The following CEMIP variants were observed in gnomAD, a reference collection of about 807,000 sequenced individuals.
The protein encoded by CEMIP is cell migration-inducing and hyaluronan-binding protein.
Under a neutral mutation model 156.9 loss-of-function variants are expected in CEMIP, and 105 were observed. That is an observed-to-expected ratio of 0.67 (90% confidence interval 0.57 to 0.79). The LOEUF is 0.79. CEMIP is among the 30% of genes least tolerant of loss of function. The probability of loss-of-function intolerance (pLI) is 0.00; values close to 1 mark genes in which losing one functional copy is unlikely to be tolerated. For missense variants in CEMIP, 1,457 were observed against 1,769.4 expected, an observed-to-expected ratio of 0.82 and a Z score of 3.17; for synonymous variants, 676 against 668.4, an observed-to-expected ratio of 1.01 and a Z score of -0.17.
chr15:80,796,721 C>T (rs916186429), intron 1 of CEMIP, among the ~76,000 whole-genome samples: 1 of 152,192 alleles, frequency 6.6e-6, no homozygotes, highest in African/African-American at 2.4e-5. Flanking sequence ...AACCACTCTA[C>T]ACCAGACATG....
At chr15:80,919,412 C>T (rs1900389445) in intron 14 of CEMIP, among the ~76,000 whole-genome samples, 2 of 152,224 alleles carry the variant, frequency 1.3e-5, no homozygotes, top group Admixed American at 1.3e-4. Flanking sequence ...TGGCCCAGCC[C>T]ATGGCCTCCT....
rs1283450728 is a variant in CEMIP at position 80,780,182 on chromosome 15, C to T, written c.-176+568C>T. ...CGCTAGGCACCCAGCGACGCGCTGG[C>T]GCGGGGCCGAGCTGAGGCAATTGCA... On this transcript the variant is annotated intron_variant, in intron 1 of 29. Transcript: ENST00000394685. Among the ~76,000 whole-genome samples the T allele has an allele frequency of 2.0e-5, 3 of 152,026 alleles. No individual in the cohort carries two copies. The East Asian group carries it at 5.9e-4, about 30-fold the overall frequency.
At chr15:80,787,774 G>C (rs564729581) in intron 1 of CEMIP, among the ~76,000 whole-genome samples, 1 of 152,228 alleles carries the variant, frequency 6.6e-6, no homozygotes, top group Non-Finnish European at 1.5e-5. Flanking sequence ...CCATCCACTT[G>C]TACACAGTGG....
intron 9 of CEMIP, among the ~76,000 whole-genome samples, 180 bp downstream of exon 9, chr15:80,888,976 GCC>G: frequency 6.6e-6 from 1 of 152,220 alleles, no homozygotes; most frequent in East Asian, 1.9e-4. Context: ...TTAGCCCATA[GCC>G]CAGAAGGATG....
intron 1 of CEMIP, among the ~76,000 whole-genome samples, chr15:80,831,975 T>C (rs1207928131): frequency 2.0e-5 from 3 of 152,226 alleles, no homozygotes; most frequent in Non-Finnish European, 4.4e-5. Context: ...GAGACCGAGA[T>C]AGAAAGAACC....
At chr15:80,839,764 G>A (rs963629230) in intron 1 of CEMIP, among the ~76,000 whole-genome samples, 13 of 152,158 alleles carry the variant, frequency 8.5e-5, no homozygotes, top group Non-Finnish European at 1.8e-4. Flanking sequence ...TGGATGTGTG[G>A]GGCAATTCAC....
At chr15:80,927,260 T>C (rs1900731654) in intron 19 of CEMIP, among the ~76,000 whole-genome samples, 1 of 152,190 alleles carries the variant, frequency 6.6e-6, no homozygotes, top group South Asian at 2.1e-4. Context: ...TGATTGGCTC[T>C]AGAAGGCAGA....
At chr15:80,881,372 T>C (rs1898652971) in intron 6 of CEMIP, among the ~76,000 whole-genome samples, 2 of 152,114 alleles carry the variant, frequency 1.3e-5, no homozygotes, top group Non-Finnish European at 1.5e-5. Context: ...ATTGTGATAA[T>C]TGGTAGTAAG....
rs1236956638 is a variant in CEMIP at position 80,942,716 on chromosome 15, A to G, written c.3700-229A>G. The stretch of plus-strand genomic sequence containing the variant: ...ACTTAATTCCGTCTGCAAAGATTCT[A>G]TTTTCACATAAGCCCACTTTCACAG... On this transcript the variant is annotated intron_variant, in intron 27 of 29. Coordinates refer to ENST00000394685, the MANE Select transcript of CEMIP (RefSeq NM_001293298.2). Among the ~76,000 whole-genome samples the G allele has an allele frequency of 1.1e-4, 17 of 152,186 alleles. 1 individual carries two copies. The highest frequency in any genetic ancestry group is 1.1e-3 in the Admixed American group (17 of 15,280).
chr15:80,919,472 T>C (rs569036512), intron 14 of CEMIP, among the ~76,000 whole-genome samples: 2 of 152,268 alleles, frequency 1.3e-5, no homozygotes, highest in South Asian at 4.1e-4. Context: ...TCCTACCCTA[T>C]AGAGCCTCAC....
In CEMIP at chr15:80,833,949, C is replaced by T. The variant is rs149295873; in HGVS notation, c.-175-39589C>T. ...CCTCCCAAAGTGCTGGGATTACAGA[C>T]GTGAGTCACTGTGCTCAGCCTTCTT... On this transcript the variant is annotated intron_variant, in intron 1 of 29. Transcript: ENST00000394685. Among the ~76,000 whole-genome samples, 1,147 of 152,300 alleles carry T rather than the reference C, an allele frequency of 7.5e-3. 15 individuals carry two copies. The highest frequency in any genetic ancestry group is 0.026 in the African/African-American group (1,065 of 41,548).
chr15:80,943,324 G>A (rs372182141), intron 28 of CEMIP, among the ~76,000 whole-genome samples: 40 of 152,334 alleles, frequency 2.6e-4, no homozygotes, highest in African/African-American at 9.1e-4. Flanking sequence ...GGCGGAGGCA[G>A]GCGGGACAGC....
intron 1 of CEMIP, among the ~76,000 whole-genome samples, chr15:80,870,086 G>T (rs1272309725): frequency 6.6e-6 from 1 of 152,146 alleles, no homozygotes; most frequent in Non-Finnish European, 1.5e-5. Flanking sequence ...TTTAAATGGG[G>T]TACAAGTGGC....
intron 1 of CEMIP, among the ~76,000 whole-genome samples, chr15:80,845,978 G>T (rs1048361948): frequency 6.6e-6 from 1 of 151,998 alleles, no homozygotes; most frequent in African/African-American, 2.4e-5. Context: ...CCCTGTTCTG[G>T]GCACGCATGC....
At chr15:80,899,517 G>A (rs796525296) in intron 12 of CEMIP, among the ~76,000 whole-genome samples, 23 of 152,280 alleles carry the variant, frequency 1.5e-4, no homozygotes, top group African/African-American at 5.1e-4. Context: ...TGACTGAGCT[G>A]AGACAGAATA....
intron 23 of CEMIP, among the ~76,000 whole-genome samples, 197 bp downstream of exon 23, chr15:80,933,657 G>A (rs1222727844): frequency 6.6e-6 from 1 of 152,098 alleles, no homozygotes; most frequent in Non-Finnish European, 1.5e-5. Flanking sequence ...AACACTTGGT[G>A]AGCAAAATGC....
At chr15:80,797,358 G>A (rs1896256113) in intron 1 of CEMIP, among the ~76,000 whole-genome samples, 1 of 152,200 alleles carries the variant, frequency 6.6e-6, no homozygotes. Flanking sequence ...TGCCAGGCAT[G>A]AGCAGTGCTG....
intron 6 of CEMIP, 29 bp from the exon 7 acceptor site, chr15:80,884,146 T>C: frequency 6.2e-7 from 1 of 1,613,000 alleles, no homozygotes; most frequent in East Asian, 2.2e-5. Context: ...GTCAAGACTA[T>C]TCAGATCTCT....
chr15:80,928,570 C>T (rs1900783590), intron 19 of CEMIP, among the ~76,000 whole-genome samples: 1 of 152,178 alleles, frequency 6.6e-6, no homozygotes, highest in South Asian at 2.1e-4. Flanking sequence ...CTGATCCAAC[C>T]TCACACTAAG....
Sources: gnomAD v4.1 joint callset for allele counts (sites outside exome capture counted in the v4.1 genomes callset) on GRCh38, gnomAD v4.1.1 for gene constraint, MANE v1.5 for transcripts, NCBI Gene and HGNC (gene_info 2026-07-23, HGNC 2026-07-21) for gene names.